The following ADAMTS12 variants were observed in gnomAD, a reference collection of about 807,000 sequenced individuals.
The protein encoded by ADAMTS12 is A disintegrin and metalloproteinase with thrombospondin motifs 12.
In ADAMTS12, 118 loss-of-function variants were observed where a neutral mutation model predicts 167.8. The observed-to-expected ratio is 0.70, with a 90% confidence interval of 0.61 to 0.82. ADAMTS12 has a LOEUF of 0.82. Among genes scored for constraint, ADAMTS12 ranks in the 40% least tolerant of loss-of-function variants. The probability of loss-of-function intolerance (pLI) is 0.00; values close to 1 mark genes in which losing one functional copy is unlikely to be tolerated. For synonymous variants in ADAMTS12, 704 were observed against 716.9 expected (o/e 0.98, Z 0.29); for missense variants, 1,916 against 1,998.8 (o/e 0.96, Z 0.79).
At chr5:33,645,090 C>T (rs1398989359) in intron 9 of ADAMTS12, among the ~76,000 whole-genome samples, 1 of 151,830 alleles carries the variant, frequency 6.6e-6, no homozygotes, top group African/African-American at 2.4e-5. Flanking sequence ...TTCCTCTGGG[C>T]CAGTTTCACC....
chr5:33,523,584 T>G lies in ADAMTS12; in HGVS notation c.*3604A>C, dbSNP rs932964669. Reference sequence around the variant, plus strand: ...ACACAGAGGGAGGTTATGATTACAGTCTGGTTTTAAGTACTGAAATATCCA... The same window carrying G: ...ACACAGAGGGAGGTTATGATTACAGGCTGGTTTTAAGTACTGAAATATCCA... On this transcript the variant is annotated 3_prime_UTR_variant, in exon 24 of 24. Transcript: ENST00000504830. 4 of 152,090 alleles carry G rather than the reference T, an allele frequency of 2.6e-5. No individual in the cohort carries two copies. The highest frequency in any genetic ancestry group is 9.7e-5 in the African/African-American group (4 of 41,390). 9.4% of individuals were successfully genotyped at this position (152,090 alleles called of 1,614,324 possible). A position where few individuals can be genotyped will look rare whatever the true frequency, so the allele number is the denominator to read the frequency against.
rs181207676 is a variant in ADAMTS12 at position 33,557,870 on chromosome 5, G to T, written c.4125+3157C>A. ...CTGAGCTCGACCTCCTGTCAGATCAGCAGCAGCATTAGATTCTCATAGGGA... is the reference window on the plus strand; with the variant it reads ...CTGAGCTCGACCTCCTGTCAGATCATCAGCAGCATTAGATTCTCATAGGGA... On this transcript the variant is annotated intron_variant, in intron 20 of 23. Coordinates refer to ENST00000504830, the MANE Select transcript of ADAMTS12 (RefSeq NM_030955.4). Among the ~76,000 whole-genome samples, 14 of 152,174 alleles carry T rather than the reference G, an allele frequency of 9.2e-5. No homozygotes were observed. The East Asian group carries it at 2.7e-3, about 29-fold the overall frequency.
intron 3 of ADAMTS12, among the ~76,000 whole-genome samples, chr5:33,721,029 G>A (rs1172807972): frequency 6.6e-6 from 1 of 152,188 alleles, no homozygotes; most frequent in Non-Finnish European, 1.5e-5. Context: ...TCACACAATG[G>A]AATTCTGTAC....
chr5:33,649,612 C>A lies in ADAMTS12; in HGVS notation c.1276G>T (p.Asp426Tyr). The A allele has an allele frequency of 6.2e-7, 1 of 1,614,064 alleles. No homozygotes were observed. Among genetic ancestry groups the A allele is most frequent in the Non-Finnish European group, 8.5e-7 (1 of 1,179,928 alleles). ...TTGGACCATGTCAGCGGAGTGGGAT[C>A]GTACTGGAGCTGGCGGGACATGATG... ...PYIMSRQLQY[D>Y]PTPLTWSKCS... is the part of the protein sequence containing the mutation. Residue 426 changes from aspartate to tyrosine, a missense_variant, in exon 8 of 24, where the codon GAT becomes TAT. Coordinates refer to ENST00000504830, the MANE Select transcript of ADAMTS12 (RefSeq NM_030955.4).
At chr5:33,803,349 A>G (rs2218523) in intron 2 of ADAMTS12, among the ~76,000 whole-genome samples, 34,806 of 152,110 alleles carry the variant, frequency 0.23, 4,716 homozygotes, top group South Asian at 0.39. Context: ...ACATTTAGAG[A>G]GTCAATTAAG....
Position 33,526,854 on chromosome 5 carries a change from G to T in ADAMTS12, c.*334C>A. ...TACTCTTGAGGTAGTCAGGGAAATA[G>T]CTGGTCTCTTTGTTTTTATCTTTAA... On this transcript the variant is annotated 3_prime_UTR_variant, in exon 24 of 24. Coordinates refer to ENST00000504830, the MANE Select transcript of ADAMTS12 (RefSeq NM_030955.4). 1 of 208,460 alleles carries T rather than the reference G, an allele frequency of 4.8e-6. No individual in the cohort carries two copies. 12.9% of individuals were successfully genotyped at this position (208,460 alleles called of 1,614,324 possible). A position where few individuals can be genotyped will look rare whatever the true frequency, so the allele number is the denominator to read the frequency against.
chr5:33,802,920 G>C (rs1456886193), intron 2 of ADAMTS12, among the ~76,000 whole-genome samples: 1 of 152,106 alleles, frequency 6.6e-6, no homozygotes, highest in Non-Finnish European at 1.5e-5. Context: ...GCTTACTGAG[G>C]AACTCTACAT....
chr5:33,883,327 G>GTTTTTT (rs79064946), intron 1 of ADAMTS12, among the ~76,000 whole-genome samples: 12 of 111,602 alleles, frequency 1.1e-4, no homozygotes, highest in African/African-American at 2.7e-4. Context: ...TTTTTTTTTT[G>GTTTTTT]TTTTTTTTTT....
chr5:33,742,704 A>G (rs1365618978), intron 3 of ADAMTS12, among the ~76,000 whole-genome samples: 1 of 152,222 alleles, frequency 6.6e-6, no homozygotes, highest in Non-Finnish European at 1.5e-5. Flanking sequence ...TGGAAATAAG[A>G]TCCAAGTTCA....
At chr5:33,666,794 A>G (rs1741487750) in intron 5 of ADAMTS12, among the ~76,000 whole-genome samples, 1 of 152,176 alleles carries the variant, frequency 6.6e-6, no homozygotes, top group Admixed American at 6.5e-5. Context: ...CCCGGCCACC[A>G]TACAGGGTCT....
At chr5:33,888,827 T>C (rs146010755) in intron 1 of ADAMTS12, among the ~76,000 whole-genome samples, 3 of 152,338 alleles carry the variant, frequency 2.0e-5, no homozygotes, top group Admixed American at 2.0e-4. Context: ...AACCAAGAAA[T>C]CCTGTGTAAG....
chr5:33,528,896 G>A (rs79078069), intron 23 of ADAMTS12, among the ~76,000 whole-genome samples: 1 of 151,894 alleles, frequency 6.6e-6, no homozygotes, highest in Non-Finnish European at 1.5e-5. Context: ...AATACAAAAA[G>A]TAGCTGGGCG....
At chr5:33,789,968 A>G (rs746689292) in intron 2 of ADAMTS12, among the ~76,000 whole-genome samples, 3 of 152,222 alleles carry the variant, frequency 2.0e-5, no homozygotes, top group African/African-American at 2.4e-5. Flanking sequence ...CCGAGACTAC[A>G]CTATGAATCC....
chr5:33,773,736 A>G (rs1745822722), intron 2 of ADAMTS12, among the ~76,000 whole-genome samples: 1 of 152,042 alleles, frequency 6.6e-6, no homozygotes, highest in Admixed American at 6.5e-5. Flanking sequence ...AGCACCACAT[A>G]CCCCGAGCTA....
intron 7 of ADAMTS12, among the ~76,000 whole-genome samples, chr5:33,656,115 A>G (rs1426090592): frequency 6.6e-6 from 1 of 152,206 alleles, no homozygotes; most frequent in Non-Finnish European, 1.5e-5. Context: ...AGTATAGGAT[A>G]AAGAAACCTT....
chr5:33,696,969 T>C (rs1256176022), intron 3 of ADAMTS12, among the ~76,000 whole-genome samples: 1 of 152,206 alleles, frequency 6.6e-6, no homozygotes, highest in East Asian at 1.9e-4. Flanking sequence ...TAAATTTTGT[T>C]GTCTAATTCT....
intron 2 of ADAMTS12, 111 bp from the exon 3 acceptor site, chr5:33,751,659 T>C (rs527691176): frequency 1.6e-5 from 17 of 1,036,238 alleles, no homozygotes; most frequent in South Asian, 3.2e-5. Context: ...CTAAGACCAG[T>C]GCTTTCAGAG....
Position 33,573,340 on chromosome 5 carries a change from C to G in ADAMTS12, c.3972+2714G>C, listed in dbSNP as rs1453677535. Among the ~76,000 whole-genome samples, 6 of 152,352 alleles carry G rather than the reference C, an allele frequency of 3.9e-5. No individual in the cohort carries two copies. In the East Asian group the frequency reaches 1.2e-3, roughly 29 times the overall value. On this transcript the variant is annotated intron_variant, in intron 19 of 23. Transcript: ENST00000504830. ...AAGCCAGAGGCATCACGCTACCTGACTTCAAACTATACTACAAGGCTACAG... is the reference window on the plus strand; with the variant it reads ...AAGCCAGAGGCATCACGCTACCTGAGTTCAAACTATACTACAAGGCTACAG...
chr5:33,585,336 T>G (rs923870461), intron 18 of ADAMTS12, among the ~76,000 whole-genome samples: 1 of 152,186 alleles, frequency 6.6e-6, no homozygotes, highest in Non-Finnish European at 1.5e-5. Flanking sequence ...ATAACCCTAT[T>G]ATTCTCATGT....
Sources: gnomAD v4.1 joint callset for allele counts (sites outside exome capture counted in the v4.1 genomes callset) on GRCh38, gnomAD v4.1.1 for gene constraint, MANE v1.5 for transcripts, NCBI Gene and HGNC (gene_info 2026-07-23, HGNC 2026-07-21) for gene names.